RPRD1A: variants seen among roughly 807,000 people sequenced by gnomAD.
RPRD1A encodes regulation of nuclear pre-mRNA domain containing 1A.
Under a neutral mutation model 37.8 loss-of-function variants are expected in RPRD1A, and 9 were observed. That is an observed-to-expected ratio of 0.24 (90% CI 0.14 to 0.42). The LOEUF (loss-of-function observed/expected upper bound fraction) is 0.42. RPRD1A is among the 10% of genes least tolerant of loss of function. The pLI, the probability that RPRD1A is intolerant of heterozygous loss-of-function variation, is 1.00. For synonymous variants in RPRD1A, 138 were observed against 139.7 expected (o/e 0.99, Z 0.08); for missense variants, 255 against 371.0 (o/e 0.69, Z 2.57).
intron 2 of RPRD1A, among the ~76,000 whole-genome samples, 196 bp from the exon 3 acceptor site, chr18:36,031,293 A>C (rs1911772136): frequency 6.6e-6 from 1 of 152,196 alleles, no homozygotes; most frequent in Non-Finnish European, 1.5e-5. Context: ...TGCTTCTAGT[A>C]AACATTTTAT....
At chr18:36,001,699 G>A (rs1185443239) in intron 6 of RPRD1A, among the ~76,000 whole-genome samples, 2 of 152,108 alleles carry the variant, frequency 1.3e-5, no homozygotes, top group African/African-American at 2.4e-5. Flanking sequence ...TCTGGTTTGC[G>A]ACATTCCTCA....
intron 2 of RPRD1A, among the ~76,000 whole-genome samples, chr18:36,033,180 T>C (rs1911923395): frequency 6.6e-6 from 1 of 151,326 alleles, no homozygotes; most frequent in Non-Finnish European, 1.5e-5. Flanking sequence ...CAGGCACCTG[T>C]AATTCCAGCT....
chr18:36,042,920 C>A (rs776941371), intron 1 of RPRD1A, among the ~76,000 whole-genome samples: 1 of 152,114 alleles, frequency 6.6e-6, no homozygotes, highest in Non-Finnish European at 1.5e-5. Context: ...ACCTTCTTCA[C>A]CTTGCAAATT....
intron 2 of RPRD1A, among the ~76,000 whole-genome samples, chr18:36,031,391 G>T (rs1181600870): frequency 1.3e-5 from 2 of 152,180 alleles, no homozygotes; most frequent in Non-Finnish European, 2.9e-5. Context: ...ATGGGGCCTG[G>T]ACATGGGGCT....
chr18:36,008,591 C>CTCTATATA (rs1568118233), intron 6 of RPRD1A, among the ~76,000 whole-genome samples: 1 of 13,030 alleles, frequency 7.7e-5, no homozygotes, highest in Non-Finnish European at 1.5e-4. Context: ...ATATATATAT[C>CTCTATATA]TTTAAAAATC....
chr18:36,040,524 T>C (rs1369897933), intron 1 of RPRD1A, among the ~76,000 whole-genome samples: 1 of 152,040 alleles, frequency 6.6e-6, no homozygotes, highest in African/African-American at 2.4e-5. Context: ...CTTCATTTTA[T>C]AAACAAAAAG....
At chr18:35,996,954 G>A (rs1349223242) in intron 6 of RPRD1A, among the ~76,000 whole-genome samples, 1 of 133,096 alleles carries the variant, frequency 7.5e-6, no homozygotes, top group Non-Finnish European at 1.5e-5. Flanking sequence ...CTCCAGCCTA[G>A]GCAATAGAGT....
chr18:36,033,497 C>T (rs1911961091), intron 2 of RPRD1A, among the ~76,000 whole-genome samples: 1 of 151,974 alleles, frequency 6.6e-6, no homozygotes, highest in Non-Finnish European at 1.5e-5. Flanking sequence ...ACTCCAAAGG[C>T]CCACCTTAGC....
intron 6 of RPRD1A, among the ~76,000 whole-genome samples, chr18:36,001,135 TAGC>T (rs1385332819): frequency 5.9e-5 from 9 of 152,100 alleles, no homozygotes; most frequent in Non-Finnish European, 1.2e-4. Context: ...ACAAGAGTAA[TAGC>T]AGCAACATAA....
chr18:36,021,301 A>G (rs1910978142), intron 6 of RPRD1A, among the ~76,000 whole-genome samples: 1 of 152,160 alleles, frequency 6.6e-6, no homozygotes, highest in Non-Finnish European at 1.5e-5. Context: ...TTTTCCCAAC[A>G]GCATGTGCTC....
chr18:36,029,110 C>A (rs1911580894), intron 4 of RPRD1A, among the ~76,000 whole-genome samples: 1 of 152,204 alleles, frequency 6.6e-6, no homozygotes, highest in Non-Finnish European at 1.5e-5. Context: ...CTTTTCTATT[C>A]AAGCTCTTGT....
chr18:36,063,943 T>C (rs1405211095), intron 1 of RPRD1A: 2 of 152,264 alleles, frequency 1.3e-5, no homozygotes, highest in Non-Finnish European at 2.9e-5. Context: ...TTTATATGCT[T>C]TAACGTTTTC....
At chr18:36,060,035 A>C (rs1395866123) in intron 1 of RPRD1A, among the ~76,000 whole-genome samples, 1 of 152,220 alleles carries the variant, frequency 6.6e-6, no homozygotes, top group Non-Finnish European at 1.5e-5. Flanking sequence ...AAGAGAAACA[A>C]GTAACAGTAT....
intron 4 of RPRD1A, among the ~76,000 whole-genome samples, chr18:36,028,855 T>G (rs1911563574): frequency 6.6e-6 from 1 of 152,152 alleles, no homozygotes; most frequent in Non-Finnish European, 1.5e-5. Context: ...CAACAGCATT[T>G]TACACAAGTA....
In RPRD1A at chr18:36,031,145, G is replaced by C. The variant is rs201761748; in HGVS notation, c.282-48C>G. The C allele has an allele frequency of 8.9e-6, 13 of 1,464,346 alleles. No individual in the cohort carries two copies. In the Admixed American group the frequency reaches 1.7e-4, roughly 19 times the overall value. 90.7% of individuals were successfully genotyped at this position (1,464,346 alleles called of 1,614,324 possible). ...AAAGAAAAATGTTAACAGTAACAATGCATAGTGTTATTGAAAAGGTTAACG... is the reference window on the plus strand; with the variant it reads ...AAAGAAAAATGTTAACAGTAACAATCCATAGTGTTATTGAAAAGGTTAACG... On this transcript the variant is annotated intron_variant, in intron 2 of 6. Coordinates refer to ENST00000399022, the MANE Select transcript of RPRD1A (RefSeq NM_018170.5).
At chr18:36,028,556 C>T (rs1245152180) in intron 4 of RPRD1A, among the ~76,000 whole-genome samples, 1 of 152,144 alleles carries the variant, frequency 6.6e-6, no homozygotes, top group East Asian at 1.9e-4. Flanking sequence ...TGCATTGATG[C>T]TTTAATTACA....
At position 36,010,930 on chromosome 18, in the gene RPRD1A, G is replaced by GAGAT. The variant is rs1264888371; in HGVS notation, c.789+15966_789+15969dup. ...ACTTGGGAACCCAGTTGCAATCACTGAGATACTAAGATTTAACTAGCAAAA... is the reference window on the plus strand; with the variant it reads ...ACTTGGGAACCCAGTTGCAATCACTGAGATAGATACTAAGATTTAACTAGCAAAA... On this transcript the variant is annotated intron_variant, in intron 6 of 6. Transcript: ENST00000399022. 3.9e-5 allele frequency among the ~76,000 whole-genome samples: 6 copies of GAGAT among 152,286 alleles called. No homozygotes were observed. In the East Asian group the frequency reaches 1.2e-3, roughly 29 times the overall value.
chr18:35,994,053 C>T (rs1265970236), intron 6 of RPRD1A, among the ~76,000 whole-genome samples: 1 of 152,186 alleles, frequency 6.6e-6, no homozygotes, highest in Non-Finnish European at 1.5e-5. Flanking sequence ...CTGCACCCCT[C>T]CCTTTCTCCA....
Position 36,031,101 on chromosome 18 carries a change from A to T in RPRD1A, c.282-4T>A. The T allele has an allele frequency of 8.1e-6, 4 of 496,086 alleles. No homozygotes were observed. Among genetic ancestry groups the T allele is most frequent in the Non-Finnish European group, 8.8e-6 (3 of 339,044 alleles). 30.7% of individuals were successfully genotyped at this position (496,086 alleles called of 1,614,324 possible). On this transcript the variant is annotated splice_region_variant and splice_polypyrimidine_tract_variant and intron_variant, in intron 2 of 6. Coordinates refer to ENST00000399022, the MANE Select transcript of RPRD1A (RefSeq NM_018170.5). ...CTTACAACTTTCATCAGTTTCACTA[A>T]AAAAAAAAAAAAAGAAAAAAAGAAA...
Sources: gnomAD v4.1 joint callset for allele counts (sites outside exome capture counted in the v4.1 genomes callset) on GRCh38, gnomAD v4.1.1 for gene constraint, MANE v1.5 for transcripts, NCBI Gene and HGNC (gene_info 2026-07-23, HGNC 2026-07-21) for gene names.